The following CXXC1 variants were observed in gnomAD, a reference collection of about 807,000 sequenced individuals.
The protein encoded by CXXC1 is CXXC finger protein 1, also known as CXXC-type zinc finger protein 1.
In CXXC1, 21 loss-of-function variants were observed where a neutral mutation model predicts 83.6. The ratio of observed to expected loss-of-function variants is 0.25; its 90% CI spans 0.18 to 0.36. The LOEUF (loss-of-function observed/expected upper bound fraction) is 0.36, where lower values mean the gene tolerates loss of function less well. CXXC1 is among the 10% of genes least tolerant of loss of function. CXXC1 has a pLI of 1.00. For missense variants in CXXC1, 688 were observed against 919.5 expected (o/e 0.75, Z 3.26); for synonymous variants, 371 against 337.5 (o/e 1.10, Z -1.09).
At chr18:50,287,224 C>T (rs960364895) in intron 1 of CXXC1, 33 of 500,232 alleles carry the variant, frequency 6.6e-5, no homozygotes, top group African/African-American at 6.1e-4. Flanking sequence ...ACCTGGCACC[C>T]GCACCCACCC....
chr18:50,283,590 G>T (rs763853007), intron 11 of CXXC1, 26 bp from the exon 12 acceptor site: 2 of 1,613,666 alleles, frequency 1.2e-6, no homozygotes, highest in Non-Finnish European at 1.7e-6. Flanking sequence ...CAAATGGAGG[G>T]AACTGTGGAT....
chr18:50,287,367 C>A, intron 1 of CXXC1: 1 of 593,624 alleles, frequency 1.7e-6, no homozygotes, highest in South Asian at 2.0e-5. Context: ...TCCCACGGAA[C>A]TGCCACACGG....
Position 50,285,150 on chromosome 18 carries a change from C to T in CXXC1, c.764G>A (p.Arg255His), listed in dbSNP as rs757203610. 20 of 1,614,234 alleles carry T rather than the reference C, an allele frequency of 1.2e-5. No individual in the cohort carries two copies. The highest frequency in any genetic ancestry group is 2.2e-5 in the South Asian group (2 of 91,088). Reference sequence around the variant, plus strand: ...TGACGCCACTGCCCCCTCATCTTCACGGATGCGCCCTAACTTCTGTGATGG... The same window carrying T: ...TGACGCCACTGCCCCCTCATCTTCATGGATGCGCCCTAACTTCTGTGATGG... ...PQPSQKLGRIREDEGAVASST... is the reference protein window; with the variant it reads ...PQPSQKLGRIHEDEGAVASST... The change falls in exon 7 of 15, where the codon CGT becomes CAT. Residue 255 changes from arginine (R) to histidine (H), a missense_variant. Around this residue, in one of 9 missense-constraint regions of CXXC1, gnomAD observed 190 missense variants for 199.7 expected, o/e 0.95. Transcript: ENST00000285106. This position sits in a 1 kb window ranked among gnomAD's most constrained non-coding sequence, Gnocchi z 4.4.
chr18:50,282,650 G>A lies in CXXC1; in HGVS notation c.1914C>T (p.His638=), dbSNP rs2040525820. 6.2e-7 allele frequency: 1 copy of A among 1,612,760 alleles called. No homozygotes were observed. The highest frequency in any genetic ancestry group is 1.1e-5 in the South Asian group (1 of 91,092). Reference sequence around the variant, plus strand: ...TGAGGGGATCGTGCTGGATCGTCTGGTGCAGCATCAGGGCCAGCAATCCCG... The same window carrying A: ...TGAGGGGATCGTGCTGGATCGTCTGATGCAGCATCAGGGCCAGCAATCCCG... ...NRAGLLALML[H]QTIQHDPLTT... is the part of the protein sequence containing the mutation. Residue 638 remains histidine, a synonymous_variant, in exon 15 of 15, where the codon CAC becomes CAT. Transcript: ENST00000285106. The surrounding 1 kb of genome is among the most constrained non-coding windows in gnomAD (Gnocchi z 5.8).
At position 50,282,641 on chromosome 18, in the gene CXXC1, G is replaced by T; in HGVS notation, c.1923C>A (p.Ile641=). 6.2e-7 allele frequency: 1 copy of T among 1,612,618 alleles called. No homozygotes were observed. The highest frequency in any genetic ancestry group is 1.3e-5 in the African/African-American group (1 of 75,058). ...GLLALMLHQT[I]QHDPLTTDLR... is the part of the protein sequence containing the mutation. ...GGTCGGTAGTGAGGGGATCGTGCTGGATCGTCTGGTGCAGCATCAGGGCCA... is the reference window on the plus strand; with the variant it reads ...GGTCGGTAGTGAGGGGATCGTGCTGTATCGTCTGGTGCAGCATCAGGGCCA... The change falls in exon 15 of 15, where the codon ATC becomes ATA. Residue 641 remains isoleucine (I), a synonymous_variant. Coordinates refer to ENST00000285106, the MANE Select transcript of CXXC1 (RefSeq NM_014593.4). The surrounding 1 kb of genome is among the most constrained non-coding windows in gnomAD (Gnocchi z 5.8).
chr18:50,282,739 A>G lies in CXXC1; in HGVS notation c.1825T>C (p.Trp609Arg). 1 of 1,613,962 alleles carries G rather than the reference A, an allele frequency of 6.2e-7. No homozygotes were observed. The highest frequency in any genetic ancestry group is 8.5e-7 in the Non-Finnish European group (1 of 1,179,966). The change falls in exon 15 of 15, where the codon TGG becomes CGG. Residue 609 changes from tryptophan to arginine, a missense_variant and splice_region_variant. Physicochemically the swap from Trp to Arg is moderately radical, Grantham distance 101. Transcript: ENST00000285106. This position sits in a 1 kb window ranked among gnomAD's most constrained non-coding sequence, Gnocchi z 5.8. ...AEVDLERVRV[W>R]YKLDELFEQE... ...TCAAACAGCTCGTCCAGCTTGTACC[A>G]CTGCCAAGGGAGCGGCAGGAGTCCT...
In CXXC1 at chr18:50,282,526, G is replaced by A. The variant is rs1599652524; in HGVS notation, c.*67C>T. The A allele has an allele frequency of 7.0e-6, 11 of 1,573,430 alleles. No individual in the cohort carries two copies. The highest frequency in any genetic ancestry group is 2.7e-5 in the African/African-American group (2 of 74,360). On this transcript the variant is annotated 3_prime_UTR_variant, in exon 15 of 15. Transcript: ENST00000285106. The surrounding 1 kb of genome is among the most constrained non-coding windows in gnomAD (Gnocchi z 5.8). ...CGGAGAAACAGATGAGTGGAGGAAC[G>A]GACACACGGGCACCGGGCGGCTCCC...
chr18:50,284,614 C>A, intron 8 of CXXC1, 52 bp from the exon 9 acceptor site: 1 of 1,591,574 alleles, frequency 6.3e-7, no homozygotes, highest in Non-Finnish European at 8.6e-7. Flanking sequence ...AGCCCCAGAC[C>A]CCAGACCCTT....
chr18:50,284,817 T>G lies in CXXC1; in HGVS notation c.935A>C (p.Glu312Ala). ...CAGCGCGGGGTCCAGGAATGGGGAC[T>G]CTTCTGTGTCGCTCATCCAGGGCTG... ...HGLPWMSDTE[E>A]SPFLDPALRK... Residue 312 changes from glutamate to alanine, a missense_variant, in exon 8 of 15, where the codon GAG (glutamate) becomes GCG (alanine). Glu to Ala is a moderately radical substitution (Grantham distance 107). Transcript: ENST00000285106. The G allele has an allele frequency of 6.2e-7, 1 of 1,614,196 alleles. No homozygotes were observed. Among genetic ancestry groups the G allele is most frequent in the African/African-American group, 1.3e-5 (1 of 75,054 alleles).
rs536087573 is a variant in CXXC1, at chr18:50,282,394, G to A, written c.*199C>T. On this transcript the variant is annotated 3_prime_UTR_variant, in exon 15 of 15. Transcript: ENST00000285106. The surrounding 1 kb of genome is among the most constrained non-coding windows in gnomAD (Gnocchi z 5.8). ...AACAAAACCCAGGGAGAGGAGGCAA[G>A]GATGAGTGGACTCCGCAGCCCCACC... The A allele has an allele frequency of 1.2e-5, 8 of 659,124 alleles. No individual in the cohort carries two copies. In the East Asian group the frequency reaches 1.5e-4, roughly 13 times the overall value. 40.8% of individuals were successfully genotyped at this position (659,124 alleles called of 1,614,324 possible).
rs753480081 is a variant in CXXC1, at chr18:50,284,798, G to A, written c.954C>T (p.Pro318=). The change falls in exon 8 of 15, where the codon CCC becomes CCT. Residue 318 remains proline (P), a synonymous_variant. Coordinates refer to ENST00000285106, the MANE Select transcript of CXXC1 (RefSeq NM_014593.4). ...SDTEESPFLD[P]ALRKRAVKVK... Reference sequence around the variant, plus strand: ...CTTTCACTGCCCTCTTCCGCAGCGCGGGGTCCAGGAATGGGGACTCTTCTG... The same window carrying A: ...CTTTCACTGCCCTCTTCCGCAGCGCAGGGTCCAGGAATGGGGACTCTTCTG... 1.5e-5 allele frequency: 25 copies of A among 1,614,014 alleles called. No individual in the cohort carries two copies. The highest frequency in any genetic ancestry group is 6.7e-5 in the African/African-American group (5 of 74,898).
In CXXC1 at chr18:50,282,929, G is replaced by A. The variant is rs1466085014; in HGVS notation, c.1749C>T (p.Pro583=). ...FELTGDFCRL[P]KRQCNRHYCW... ...AGTAATGGCGATTGCACTGGCGCTTGGGCAGGCGGCAGAAGTCACCCGTGA... is the reference window on the plus strand; with the variant it reads ...AGTAATGGCGATTGCACTGGCGCTTAGGCAGGCGGCAGAAGTCACCCGTGA... The change falls in exon 14 of 15, where the codon CCC becomes CCT. Residue 583 remains proline (P), a synonymous_variant. Transcript: ENST00000285106. This position sits in a 1 kb window ranked among gnomAD's most constrained non-coding sequence, Gnocchi z 5.8. 1.2e-6 allele frequency: 2 copies of A among 1,614,090 alleles called. No homozygotes were observed. The highest frequency in any genetic ancestry group is 2.7e-5 in the African/African-American group (2 of 74,924).
chr18:50,282,533 C>T lies in CXXC1; in HGVS notation c.*60G>A, dbSNP rs544991100. On this transcript the variant is annotated 3_prime_UTR_variant, in exon 15 of 15. Coordinates refer to ENST00000285106, the MANE Select transcript of CXXC1 (RefSeq NM_014593.4). This position sits in a 1 kb window ranked among gnomAD's most constrained non-coding sequence, Gnocchi z 5.8. ...ACAGATGAGTGGAGGAACGGACACA[C>T]GGGCACCGGGCGGCTCCCCCATCTG... 1.5e-4 allele frequency: 244 copies of T among 1,585,726 alleles called. 1 individual carries two copies. In the South Asian group the frequency reaches 1.9e-3, roughly 12 times the overall value.
Position 50,282,425 on chromosome 18 carries a change from C to T in CXXC1, c.*168G>A. 2.4e-6 allele frequency: 2 copies of T among 833,346 alleles called. No homozygotes were observed. The highest frequency in any genetic ancestry group is 3.2e-5 in the South Asian group (2 of 62,814). The allele number at this position is 833,346 out of a possible 1,614,324, so 51.6% of individuals were successfully genotyped here. ...GTGGACTCCGCAGCCCCACCAGGCA[C>T]TGAACATGTCGACGGGGACAGTCCC... is the stretch of plus-strand genomic sequence containing the variant. On this transcript the variant is annotated 3_prime_UTR_variant, in exon 15 of 15. Coordinates refer to ENST00000285106, the MANE Select transcript of CXXC1 (RefSeq NM_014593.4). The surrounding 1 kb of genome is among the most constrained non-coding windows in gnomAD (Gnocchi z 5.8).
rs1452929621 is a variant in CXXC1, at chr18:50,284,643, C to A, written c.1021-81G>T. On this transcript the variant is annotated intron_variant, in intron 8 of 14. Transcript: ENST00000285106. Reference sequence around the variant, plus strand: ...GACCCTTGCTCCATTCTAGCCCTTTCTGGCTCTTGCCCCATTCAGCCTCTG... The same window carrying A: ...GACCCTTGCTCCATTCTAGCCCTTTATGGCTCTTGCCCCATTCAGCCTCTG... 6.2e-6 allele frequency: 10 copies of A among 1,605,952 alleles called. No homozygotes were observed. The East Asian group carries it at 2.2e-4, about 36-fold the overall frequency.
intron 8 of CXXC1, 68 bp from the exon 9 acceptor site, chr18:50,284,630 A>C (rs192784066): frequency 1.9e-6 from 3 of 1,601,826 alleles, no homozygotes; most frequent in South Asian, 2.3e-5. Context: ...CCCTTGCTCC[A>C]TTCTAGCCCT....
intron 1 of CXXC1, 34 bp from the exon 2 acceptor site, chr18:50,286,892 G>T (rs1428723759): frequency 6.8e-7 from 1 of 1,464,458 alleles, no homozygotes. Flanking sequence ...TCCTTAAGCA[G>T]CCCCCACCGT....
chr18:50,283,388 T>C (rs1193184924), intron 12 of CXXC1, 27 bp from the exon 13 acceptor site: 1 of 1,604,106 alleles, frequency 6.2e-7, no homozygotes, highest in African/African-American at 1.3e-5. Flanking sequence ...GAGAGGGCAG[T>C]AGAGGGAGGG....
rs1340857249 is a variant in CXXC1 at position 50,282,967 on chromosome 18, C to G, written c.1711G>C (p.Asp571His). 6.2e-7 allele frequency: 1 copy of G among 1,614,192 alleles called. No individual in the cohort carries two copies. Among genetic ancestry groups the G allele is most frequent in the Non-Finnish European group, 8.5e-7 (1 of 1,180,042 alleles). ...AAGTCACCCGTGAGCTCAAAGACAT[C>G]ACGTACAAGGGGGCACCCGCATACC... ...DEVCGCPLVR[D>H]VFELTGDFCR... The change falls in exon 14 of 15, where the codon GAT becomes CAT. Residue 571 changes from aspartate (D) to histidine (H), a missense_variant. Physicochemically the swap from Asp to His is moderately conservative, Grantham distance 81 (BLOSUM62 -1). Transcript: ENST00000285106. The surrounding 1 kb of genome is among the most constrained non-coding windows in gnomAD (Gnocchi z 5.8).
Sources: allele counts gnomAD v4.1 joint callset, GRCh38; gene constraint gnomAD v4.1.1; regional missense constraint gnomAD v4.1.1; non-coding constraint Gnocchi (gnomAD v3.1); transcripts MANE v1.5; gene names NCBI Gene and HGNC (gene_info 2026-07-23, HGNC 2026-07-21).